Variants in DOCK3 observed in about 807,000 individuals in gnomAD.
The protein encoded by DOCK3 is dedicator of cytokinesis protein 3.
In DOCK3, 60 loss-of-function variants were observed where a neutral mutation model predicts 265.6. The ratio of observed to expected loss-of-function variants is 0.23; its 90% CI spans 0.18 to 0.28. The LOEUF (loss-of-function observed/expected upper bound fraction) is 0.28, where lower values mean the gene tolerates loss of function less well. Among genes scored for constraint, DOCK3 ranks in the 10% least tolerant of loss-of-function variants. DOCK3 has a pLI of 1.00. For missense variants in DOCK3, 1,981 were observed against 2,594.3 expected (o/e 0.76, Z 5.14); for synonymous variants, 881 against 938.0 (o/e 0.94, Z 1.11).
At chr3:50,718,934 C>A (rs1369827978) in intron 1 of DOCK3, among the ~76,000 whole-genome samples, 2 of 151,970 alleles carry the variant, frequency 1.3e-5, no homozygotes, top group African/African-American at 2.4e-5. Flanking sequence ...CAGGCGCCTG[C>A]CACCATGCCC....
rs1165862463 is a variant in DOCK3 at position 51,020,551 on chromosome 3, G to A, written c.316-43897G>A. Among the ~76,000 whole-genome samples, 3 of 151,696 alleles carry A rather than the reference G, an allele frequency of 2.0e-5. No homozygotes were observed. The East Asian group carries it at 5.8e-4, about 29-fold the overall frequency. On this transcript the variant is annotated intron_variant, in intron 5 of 52. Coordinates refer to ENST00000266037, the MANE Select transcript of DOCK3 (RefSeq NM_004947.5). ...CATCACGAAATCTTTGCCTTTTGCT[G>A]TATCCTGGATGTTATTGCCTAGGTT...
chr3:51,202,396 G>A (rs13091818), intron 12 of DOCK3, among the ~76,000 whole-genome samples: 136,997 of 150,300 alleles, frequency 0.91, 62,569 homozygotes, highest in African/African-American at 0.96. Context: ...ACACCTCTAC[G>A]CAAATAAACT....
At chr3:51,277,123 A>G (rs937191516) in intron 25 of DOCK3, among the ~76,000 whole-genome samples, 2 of 152,166 alleles carry the variant, frequency 1.3e-5, no homozygotes, top group African/African-American at 4.8e-5. Context: ...CCTGAGGAGA[A>G]AACAGCGTGC....
chr3:50,946,953 T>G (rs1474257051), intron 5 of DOCK3, among the ~76,000 whole-genome samples: 3 of 152,218 alleles, frequency 2.0e-5, no homozygotes, highest in Non-Finnish European at 4.4e-5. Context: ...GTAAAAATCC[T>G]ATTTAACTTC....
Position 50,760,656 on chromosome 3 carries a change from T to C in DOCK3, c.38-18019T>C, listed in dbSNP as rs555596597. Among the ~76,000 whole-genome samples, 7 of 152,354 alleles carry C rather than the reference T, an allele frequency of 4.6e-5. No individual in the cohort carries two copies. The South Asian group carries it at 1.4e-3, about 32-fold the overall frequency. On this transcript the variant is annotated intron_variant, in intron 1 of 52. Transcript: ENST00000266037. ...TTTTAAATGAATTTTCAATTAAAGA[T>C]ATTTTTAACTTACGATGGATTTATC...
intron 9 of DOCK3, among the ~76,000 whole-genome samples, chr3:51,117,490 G>C (rs951553093): frequency 6.6e-6 from 1 of 152,174 alleles, no homozygotes; most frequent in African/African-American, 2.4e-5. Flanking sequence ...AAATGAGTTA[G>C]GGAGGAGTCC....
At chr3:51,039,135 A>T (rs1327676266) in intron 5 of DOCK3, among the ~76,000 whole-genome samples, 1 of 151,982 alleles carries the variant, frequency 6.6e-6, no homozygotes, top group Non-Finnish European at 1.5e-5. Flanking sequence ...ATCTGGGACT[A>T]CAGGCATCTG....
At chr3:50,968,541 T>C (rs1468734555) in intron 5 of DOCK3, among the ~76,000 whole-genome samples, 2 of 150,366 alleles carry the variant, frequency 1.3e-5, no homozygotes, top group Non-Finnish European at 3.0e-5. Flanking sequence ...GAAGATACTT[T>C]CTATGATTTC....
rs375340141 is a variant in DOCK3, at chr3:50,918,746, T to C, written c.219-15235T>C. Among the ~76,000 whole-genome samples the C allele has an allele frequency of 4.5e-3, 687 of 152,252 alleles. 9 individuals are homozygous for C. Among genetic ancestry groups the C allele is most frequent in the Non-Finnish European group, 8.0e-3 (545 of 67,984 alleles). On this transcript the variant is annotated intron_variant, in intron 4 of 52. Coordinates refer to ENST00000266037, the MANE Select transcript of DOCK3 (RefSeq NM_004947.5). ...TCTGATGGTAGTTTCTTTTGCTGTG[T>C]AGAAGCTCTTTAGTTTAATTAGATC...
chr3:51,370,780 G>A (rs2087617730), intron 49 of DOCK3, among the ~76,000 whole-genome samples: 1 of 152,190 alleles, frequency 6.6e-6, no homozygotes, highest in Admixed American at 6.5e-5. Context: ...CTTATTCTGT[G>A]GGTTTACAGG....
chr3:51,142,470 A>G (rs1229430609), intron 9 of DOCK3, among the ~76,000 whole-genome samples: 1 of 152,148 alleles, frequency 6.6e-6, no homozygotes, highest in African/African-American at 2.4e-5. Context: ...CCAGAATGCA[A>G]CATAAATGGA....
intron 9 of DOCK3, among the ~76,000 whole-genome samples, chr3:51,136,011 T>G (rs1162245926): frequency 6.6e-6 from 1 of 152,140 alleles, no homozygotes; most frequent in Non-Finnish European, 1.5e-5. Flanking sequence ...ATGCAGCCTC[T>G]AGTACCCTCT....
intron 9 of DOCK3, among the ~76,000 whole-genome samples, chr3:51,133,688 A>G (rs1282665714): frequency 6.6e-6 from 1 of 152,112 alleles, no homozygotes; most frequent in African/African-American, 2.4e-5. Context: ...CAGTAATGGG[A>G]TTGCTGTGTC....
intron 22 of DOCK3, among the ~76,000 whole-genome samples, chr3:51,249,140 G>C (rs546445967): frequency 5.1e-5 from 7 of 136,526 alleles, no homozygotes; most frequent in South Asian, 5.0e-4. Context: ...CGCCCCGTCC[G>C]GGAGGGAGGT....
chr3:50,904,291 C>T (rs2049356544), intron 4 of DOCK3, among the ~76,000 whole-genome samples: 1 of 152,218 alleles, frequency 6.6e-6, no homozygotes, highest in Non-Finnish European at 1.5e-5. Flanking sequence ...AATGGGATGG[C>T]TGGGTCAGAT....
At chr3:51,317,503 C>G (rs1305950581) in intron 32 of DOCK3, among the ~76,000 whole-genome samples, 1 of 150,318 alleles carries the variant, frequency 6.7e-6, no homozygotes, top group African/African-American at 2.4e-5. Flanking sequence ...TCACTTGAAC[C>G]CGGGAGGTGG....
At chr3:50,684,318 A>G (rs942650479) in intron 1 of DOCK3, among the ~76,000 whole-genome samples, 2 of 152,210 alleles carry the variant, frequency 1.3e-5, no homozygotes, top group Non-Finnish European at 2.9e-5. Context: ...ATCAGGACCT[A>G]GTTCATGGTG....
intron 1 of DOCK3, among the ~76,000 whole-genome samples, chr3:50,707,966 G>A (rs1028700430): frequency 5.9e-5 from 9 of 152,190 alleles, no homozygotes; most frequent in Non-Finnish European, 8.8e-5. Context: ...GCACATAGGT[G>A]TTTTCAGCTA....
At chr3:50,792,235 T>A (rs1340098811) in intron 2 of DOCK3, among the ~76,000 whole-genome samples, 2 of 152,102 alleles carry the variant, frequency 1.3e-5, no homozygotes, top group African/African-American at 2.4e-5. Flanking sequence ...AATGAGATTC[T>A]GTTCCGATTT....
Sources: allele counts gnomAD v4.1 joint callset (sites outside exome capture counted in the v4.1 genomes callset), GRCh38; gene constraint gnomAD v4.1.1; transcripts MANE v1.5; gene names NCBI Gene and HGNC (gene_info 2026-07-23, HGNC 2026-07-21).